The following MTMR7 variants were observed in gnomAD, a reference collection of about 807,000 sequenced individuals.
MTMR7 encodes the protein myotubularin related protein 7.
MTMR7 carries 76 observed loss-of-function variants against 81.2 expected under a neutral mutation model. The ratio of observed to expected loss-of-function variants is 0.94; its 90% CI spans 0.78 to 1.13. The LOEUF (loss-of-function observed/expected upper bound fraction) is 1.13. Among genes scored for constraint, MTMR7 ranks in the 50% most tolerant of loss-of-function variants. The pLI is 0.00. For missense variants in MTMR7, 1,044 were observed against 820.0 expected, an observed-to-expected ratio of 1.27 and a Z score of -3.34; for synonymous variants, 372 against 289.8, an observed-to-expected ratio of 1.28 and a Z score of -2.88.
At chr8:17,349,404 C>T in intron 4 of MTMR7, 1 of 204,354 alleles carries the variant, frequency 4.9e-6, no homozygotes, top group Admixed American at 5.1e-5. Flanking sequence ...CCATTTTGCA[C>T]CCTGGCTGAG....
intron 7 of MTMR7, among the ~76,000 whole-genome samples, chr8:17,329,685 T>C (rs1356452736): frequency 1.3e-5 from 2 of 152,240 alleles, no homozygotes; most frequent in Non-Finnish European, 2.9e-5. Flanking sequence ...TGAACAGTCT[T>C]CAGACTAAAG....
chr8:17,348,816 C>T (rs1469823366), intron 5 of MTMR7, 137 bp downstream of exon 5: 2 of 995,378 alleles, frequency 2.0e-6, no homozygotes, highest in Non-Finnish European at 3.1e-6. Flanking sequence ...TCATGTCATA[C>T]CATGCACAGG....
In MTMR7 at chr8:17,346,211, C is replaced by T. The variant is rs536100268; in HGVS notation, c.597+2742G>A. ...ATTAACCTTGATATTAAAATGTAAACATTGTTATAAAACACAAATTTGATC... is the reference window on the plus strand; with the variant it reads ...ATTAACCTTGATATTAAAATGTAAATATTGTTATAAAACACAAATTTGATC... On this transcript the variant is annotated intron_variant, in intron 5 of 13. Transcript: ENST00000180173. 1.1e-4 allele frequency: 16 copies of T among 152,166 alleles called. 1 individual carries two copies. The highest frequency in any genetic ancestry group is 3.9e-4 in the African/African-American group (16 of 41,504). 9.4% of individuals were successfully genotyped at this position (152,166 alleles called of 1,614,324 possible).
At chr8:17,383,444 GAAGA>G (rs1820823896) in intron 1 of MTMR7, among the ~76,000 whole-genome samples, 2 of 152,166 alleles carry the variant, frequency 1.3e-5, no homozygotes, top group South Asian at 4.1e-4. Context: ...ACAAAGACAT[GAAGA>G]GCATGAAAAA....
chr8:17,337,505 A>G (rs1819281136), intron 6 of MTMR7, among the ~76,000 whole-genome samples: 1 of 152,158 alleles, frequency 6.6e-6, no homozygotes, highest in African/African-American at 2.4e-5. Flanking sequence ...ACACCTTCAT[A>G]TGTTCTTAAA....
At chr8:17,313,224 G>T in intron 8 of MTMR7, 68 bp downstream of exon 8, 1 of 1,170,220 alleles carries the variant, frequency 8.5e-7, no homozygotes, top group Non-Finnish European at 1.3e-6. Flanking sequence ...CATGGCAGAG[G>T]GATACCCATT....
At chr8:17,374,310 AT>A (rs1328063448) in intron 1 of MTMR7, among the ~76,000 whole-genome samples, 12 of 152,094 alleles carry the variant, frequency 7.9e-5, no homozygotes, top group African/African-American at 2.7e-4. Flanking sequence ...ACGTGGTGAA[AT>A]CCCACGTCTC....
rs767295339 is a variant in MTMR7 at position 17,304,500 on chromosome 8, A to T, written c.1372T>A (p.Ser458Thr). 1 of 1,613,622 alleles carries T rather than the reference A, an allele frequency of 6.2e-7. No homozygotes were observed. The highest frequency in any genetic ancestry group is 8.5e-7 in the Non-Finnish European group (1 of 1,179,598). The change falls in exon 12 of 14, where the codon TCA becomes ACA. Residue 458 changes from serine (S) to threonine (T), a missense_variant. By Grantham distance (58) the Ser-to-Thr change is moderately conservative (BLOSUM62 1). Transcript: ENST00000180173. ...RELKIQERTY[S>T]LWAHLWKNRA... The stretch of plus-strand genomic sequence containing the variant: ...TTCTTCCACAGGTGAGCCCATAATG[A>T]GTATGTTCTTTCTTGAATCCTGTTA...
At chr8:17,391,132 G>A (rs189500896) in intron 1 of MTMR7, among the ~76,000 whole-genome samples, 5 of 152,168 alleles carry the variant, frequency 3.3e-5, no homozygotes, top group African/African-American at 7.2e-5. Flanking sequence ...GGTCTACGAG[G>A]ACGTGAGGAC....
intron 7 of MTMR7, among the ~76,000 whole-genome samples, chr8:17,320,493 G>A (rs1173617516): frequency 6.6e-6 from 1 of 152,132 alleles, no homozygotes; most frequent in African/African-American, 2.4e-5. Context: ...AGCATTCTGA[G>A]AGGCAGGTCA....
chr8:17,303,245 A>G (rs1015808559), intron 12 of MTMR7, among the ~76,000 whole-genome samples: 1 of 152,196 alleles, frequency 6.6e-6, no homozygotes, highest in Non-Finnish European at 1.5e-5. Context: ...CCAACTGGTC[A>G]TATCTCAACA....
chr8:17,299,886 A>G lies in MTMR7; in HGVS notation c.1959T>C (p.Asp653=). Residue 653 remains aspartate, a synonymous_variant, in exon 14 of 14, where the codon GAT becomes GAC. Coordinates refer to ENST00000180173, the MANE Select transcript of MTMR7 (RefSeq NM_004686.5). ...TTCAGGCAGTGAGAAACACGGCTTCATCAGAATCCCGGTCCTTGCCACTAT... is the reference window on the plus strand; with the variant it reads ...TTCAGGCAGTGAGAAACACGGCTTCGTCAGAATCCCGGTCCTTGCCACTAT... ...SEDSGKDRDS[D]EAVFLTA 1 of 1,614,106 alleles carries G rather than the reference A, an allele frequency of 6.2e-7. No individual in the cohort carries two copies. The highest frequency in any genetic ancestry group is 1.1e-5 in the South Asian group (1 of 91,074).
intron 1 of MTMR7, among the ~76,000 whole-genome samples, chr8:17,410,181 G>C (rs1356554117): frequency 6.6e-6 from 1 of 152,178 alleles, no homozygotes; most frequent in Non-Finnish European, 1.5e-5. Flanking sequence ...GGTCAGACTA[G>C]GGGGTAGGTG....
At chr8:17,344,286 G>C (rs887807592) in intron 5 of MTMR7, among the ~76,000 whole-genome samples, 1 of 152,168 alleles carries the variant, frequency 6.6e-6, no homozygotes, top group African/African-American at 2.4e-5. Context: ...CCAATGGGAG[G>C]AAATAGGTCA....
At chr8:17,411,887 GC>G (rs1439960425) in intron 1 of MTMR7, among the ~76,000 whole-genome samples, 1 of 152,194 alleles carries the variant, frequency 6.6e-6, no homozygotes, top group African/African-American at 2.4e-5. Context: ...ATCCACAACA[GC>G]TATCACTTTT....
At chr8:17,324,587 G>C (rs573209668) in intron 7 of MTMR7, among the ~76,000 whole-genome samples, 21 of 152,330 alleles carry the variant, frequency 1.4e-4, no homozygotes, top group African/African-American at 4.6e-4. Context: ...TACAACACCA[G>C]AGAGGCAAAA....
At chr8:17,315,396 G>A (rs1818012021) in intron 7 of MTMR7, among the ~76,000 whole-genome samples, 1 of 112,624 alleles carries the variant, frequency 8.9e-6, no homozygotes, top group South Asian at 3.2e-4. Flanking sequence ...AACTACGACA[G>A]TGGTTACATT....
At chr8:17,404,803 GGTTTTGTTTTGTTGTTGTTTT>G (rs1304760450) in intron 1 of MTMR7, among the ~76,000 whole-genome samples, 1 of 151,988 alleles carries the variant, frequency 6.6e-6, no homozygotes, top group Non-Finnish European at 1.5e-5. Context: ...GTTGGTGGTT[GGTTTTGTTTTGTTGTTGTTTT>G]GTTTTTGTTT....
Position 17,364,165 on chromosome 8 carries a change from G to T in MTMR7, c.311-2891C>A, listed in dbSNP as rs1214265548. On this transcript the variant is annotated intron_variant, in intron 3 of 13. Coordinates refer to ENST00000180173, the MANE Select transcript of MTMR7 (RefSeq NM_004686.5). ...CTGCCTCAGCCTCCGGAGTAGCTGGGACTACAGGAGCCCGCCACCACGCCC... is the reference window on the plus strand; with the variant it reads ...CTGCCTCAGCCTCCGGAGTAGCTGGTACTACAGGAGCCCGCCACCACGCCC... 2.6e-5 allele frequency among the ~76,000 whole-genome samples: 4 copies of T among 151,468 alleles called. No homozygotes were observed. The East Asian group carries it at 7.8e-4, about 30-fold the overall frequency.
Sources: gnomAD v4.1 joint callset for allele counts (sites outside exome capture counted in the v4.1 genomes callset) on GRCh38, gnomAD v4.1.1 for gene constraint, MANE v1.5 for transcripts, NCBI Gene and HGNC (gene_info 2026-07-23, HGNC 2026-07-21) for gene names.